DDR2: variants seen among roughly 807,000 people sequenced by gnomAD.
DDR2 encodes discoidin domain-containing receptor 2.
In DDR2, 27 loss-of-function variants were observed where a neutral mutation model predicts 94.9. The observed-to-expected ratio is 0.28, with a 90% CI of 0.21 to 0.39. The LOEUF (loss-of-function observed/expected upper bound fraction) is 0.39. Ranked by LOEUF, DDR2 falls within the 10% of genes least tolerant of loss-of-function variation. DDR2 has a pLI of 1.00. For missense variants in DDR2, 783 were observed against 1,076.0 expected (o/e 0.73, Z 3.81); for synonymous variants, 382 against 377.2 (o/e 1.01, Z -0.15).
chr1:162,650,339 T>G (rs1383895655), intron 1 of DDR2, among the ~76,000 whole-genome samples: 3 of 152,086 alleles, frequency 2.0e-5, no homozygotes, highest in African/African-American at 7.2e-5. Flanking sequence ...CTCACGCCTG[T>G]AATCCCAACA....
intron 16 of DDR2, 82 bp from the exon 17 acceptor site, chr1:162,778,498 A>C: frequency 1.9e-5 from 29 of 1,516,808 alleles, no homozygotes; most frequent in African/African-American, 2.7e-5. Context: ...GGGAAGGGGT[A>C]TAGCTGCAGA....
At chr1:162,704,308 C>T (rs2102001373) in intron 2 of DDR2, among the ~76,000 whole-genome samples, 1 of 152,222 alleles carries the variant, frequency 6.6e-6, no homozygotes, top group Middle Eastern at 3.4e-3. Context: ...TGGAGTCTAA[C>T]AGCCTGAGAG....
At chr1:162,677,130 C>G (rs1189288668) in intron 2 of DDR2, among the ~76,000 whole-genome samples, 2 of 152,092 alleles carry the variant, frequency 1.3e-5, no homozygotes, top group African/African-American at 4.8e-5. Flanking sequence ...CAGGAGCACA[C>G]GAGGAAAAAC....
intron 3 of DDR2, among the ~76,000 whole-genome samples, chr1:162,737,315 G>A (rs1456624471): frequency 1.2e-5 from 1 of 84,150 alleles, no homozygotes; most frequent in Non-Finnish European, 2.2e-5. Context: ...CCCCTCCCCC[G>A]ACCCCACCAC....
chr1:162,767,812 G>GTGTGTTTGTGTGTA (rs1017702585), intron 11 of DDR2, among the ~76,000 whole-genome samples: 1 of 151,902 alleles, frequency 6.6e-6, no homozygotes, highest in African/African-American at 2.4e-5. Flanking sequence ...TGTTTGGTGT[G>GTGTGTTTGTGTGTA]TGTGTGTGTG....
At position 162,752,626 on chromosome 1, in the gene DDR2, A is replaced by G. The variant is rs115140818; in HGVS notation, c.83-469A>G. On this transcript the variant is annotated intron_variant, in intron 3 of 17. Coordinates refer to ENST00000367921, the MANE Select transcript of DDR2 (RefSeq NM_006182.4). ...CCAAAAATGTGTGTTTGATCCCTTCATAGGTGAGTGTGTAGTTTCTTTATA... is the reference window on the plus strand; with the variant it reads ...CCAAAAATGTGTGTTTGATCCCTTCGTAGGTGAGTGTGTAGTTTCTTTATA... 9.6e-3 allele frequency among the ~76,000 whole-genome samples: 1,461 copies of G among 152,316 alleles called. 21 individuals are homozygous for G. Among genetic ancestry groups the G allele is most frequent in the African/African-American group, 0.034 (1,396 of 41,554 alleles).
At chr1:162,681,674 G>C (rs1371297518) in intron 2 of DDR2, among the ~76,000 whole-genome samples, 3 of 152,152 alleles carry the variant, frequency 2.0e-5, no homozygotes, top group African/African-American at 7.2e-5. Context: ...ATGGCAGAAG[G>C]GGGAAGAGAA....
intron 9 of DDR2, among the ~76,000 whole-genome samples, chr1:162,763,336 CTTTTTTTTTTTTTT>C (rs56323242): frequency 7.1e-5 from 4 of 56,542 alleles, no homozygotes; most frequent in African/African-American, 1.5e-4. Context: ...CCACGCCCGG[CTTTTTTTTTTTTTT>C]TTTTTTTTTT....
At chr1:162,765,006 A>C (rs2102166803) in intron 9 of DDR2, among the ~76,000 whole-genome samples, 1 of 152,308 alleles carries the variant, frequency 6.6e-6, no homozygotes, top group South Asian at 2.1e-4. Context: ...TAATGATTTA[A>C]TCTAAGAGTA....
At chr1:162,653,089 A>G (rs1167424934) in intron 1 of DDR2, among the ~76,000 whole-genome samples, 2 of 152,138 alleles carry the variant, frequency 1.3e-5, no homozygotes, top group African/African-American at 2.4e-5. Context: ...TGTGTGACAG[A>G]ACAAGGCCCT....
intron 1 of DDR2, among the ~76,000 whole-genome samples, chr1:162,645,284 AT>A (rs893969506): frequency 7.2e-5 from 11 of 151,972 alleles, no homozygotes; most frequent in Non-Finnish European, 1.0e-4. Context: ...TTTATAGGGA[AT>A]TTTTTTTCAG....
intron 2 of DDR2, among the ~76,000 whole-genome samples, chr1:162,669,453 A>AT (rs913212535): frequency 2.0e-5 from 3 of 152,176 alleles, no homozygotes; most frequent in African/African-American, 7.2e-5. Flanking sequence ...ATTTTCTCCC[A>AT]TTTTCCAAAC....
rs1663405827 is a variant in DDR2 at position 162,755,290 on chromosome 1, C to T, written c.552C>T (p.Gly184=). 1.2e-6 allele frequency: 2 copies of T among 1,613,830 alleles called. No individual in the cohort carries two copies. Among genetic ancestry groups the T allele is most frequent in the South Asian group, 2.2e-5 (2 of 91,070 alleles). ...TGTGTATGAGAGTGGAGCTTTACGGCTGTGTCTGGCTAGGTAGGTCACTAG... is the reference window on the plus strand; with the variant it reads ...TGTGTATGAGAGTGGAGCTTTACGGTTGTGTCTGGCTAGGTAGGTCACTAG... ...MNVCMRVELY[G]CVWLDGLVSY... Residue 184 remains glycine (G), a synonymous_variant, in exon 6 of 18, where the codon GGC becomes GGT. Coordinates refer to ENST00000367921, the MANE Select transcript of DDR2 (RefSeq NM_006182.4).
intron 9 of DDR2, among the ~76,000 whole-genome samples, chr1:162,765,436 G>A (rs866562229): frequency 6.6e-6 from 1 of 152,030 alleles, no homozygotes. Context: ...TGGCAAAGCT[G>A]CCAACATCAA....
intron 4 of DDR2, 125 bp from the exon 5 acceptor site, chr1:162,754,499 C>T: frequency 1.0e-6 from 1 of 964,760 alleles, no homozygotes; most frequent in Non-Finnish European, 1.6e-6. Flanking sequence ...TGGCAAGAAC[C>T]CAAAATGTTT....
intron 2 of DDR2, among the ~76,000 whole-genome samples, chr1:162,704,111 C>A (rs1326376219): frequency 6.6e-6 from 1 of 152,188 alleles, no homozygotes; most frequent in African/African-American, 2.4e-5. Flanking sequence ...GAAAGAGTTG[C>A]CCATGTGTCT....
At position 162,691,320 on chromosome 1, in the gene DDR2, T is replaced by G. The variant is rs1183759921; in HGVS notation, c.-27-27717T>G. Among the ~76,000 whole-genome samples, 3 of 152,298 alleles carry G rather than the reference T, an allele frequency of 2.0e-5. No homozygotes were observed. The East Asian group carries it at 5.8e-4, about 29-fold the overall frequency. The stretch of plus-strand genomic sequence containing the variant: ...TCCAACACCCTGCCTTGCCCTTAAT[T>G]GTGCATTGCCTGGTGTTCTTTAATT... On this transcript the variant is annotated intron_variant, in intron 2 of 17. Coordinates refer to ENST00000367921, the MANE Select transcript of DDR2 (RefSeq NM_006182.4).
At position 162,778,643 on chromosome 1, in the gene DDR2, T is replaced by A. The variant is rs2102206454; in HGVS notation, c.2347T>A (p.Phe783Ile). ...FGVTLWETFT[F>I]CQEQPYSQLS... is the part of the protein sequence containing the mutation. ...GGTTACTTTGTGGGAGACTTTCACC[T>A]TTTGTCAAGAACAGCCCTATTCCCA... Residue 783 changes from phenylalanine to isoleucine, a missense_variant, in exon 17 of 18, where the codon TTT becomes ATT. This residue lies in a region of DDR2 where 264 missense variants were observed against 428.2 expected (regional missense o/e 0.62). Transcript: ENST00000367921. 1 of 1,614,066 alleles carries A rather than the reference T, an allele frequency of 6.2e-7. No homozygotes were observed. Among genetic ancestry groups the A allele is most frequent in the Admixed American group, 1.7e-5 (1 of 60,024 alleles).
intron 2 of DDR2, among the ~76,000 whole-genome samples, chr1:162,685,332 A>G (rs986875935): frequency 1.3e-5 from 2 of 152,180 alleles, no homozygotes; most frequent in Non-Finnish European, 2.9e-5. Flanking sequence ...ACTGCCTTAA[A>G]ATACTATACC....
Sources: gnomAD v4.1 joint callset for allele counts (sites outside exome capture counted in the v4.1 genomes callset) on GRCh38, gnomAD v4.1.1 for gene constraint, gnomAD v4.1.1 regional missense constraint, MANE v1.5 for transcripts, NCBI Gene and HGNC (gene_info 2026-07-23, HGNC 2026-07-21) for gene names.